Variants in PRKN observed in about 807,000 individuals in gnomAD.
PRKN encodes parkin RBR E3 ubiquitin protein ligase, also known as E3 ubiquitin-protein ligase parkin.
In PRKN, 56 loss-of-function variants were observed where a neutral mutation model predicts 59.5. That is an observed-to-expected ratio of 0.94 (90% CI 0.76 to 1.18). The LOEUF is 1.18. PRKN is among the 50% of genes most tolerant of loss of function. PRKN has a pLI of 0.00. For synonymous variants in PRKN, 250 were observed against 222.1 expected, an observed-to-expected ratio of 1.13 and a Z score of -1.12; for missense variants, 657 against 596.4, an observed-to-expected ratio of 1.10 and a Z score of -1.06.
intron 5 of PRKN, among the ~76,000 whole-genome samples, chr6:161,983,829 C>A (rs1374832922): frequency 9.0e-6 from 1 of 111,148 alleles, no homozygotes; most frequent in Non-Finnish European, 1.9e-5. Flanking sequence ...GTGGGTGCAG[C>A]GCACCAGCAC....
At chr6:162,308,085 G>A (rs977597008) in intron 2 of PRKN, among the ~76,000 whole-genome samples, 1 of 152,136 alleles carries the variant, frequency 6.6e-6, no homozygotes, top group African/African-American at 2.4e-5. Flanking sequence ...GTGGTGACAG[G>A]CACGTGGCCT....
intron 2 of PRKN, among the ~76,000 whole-genome samples, chr6:162,374,770 T>C (rs1015088652): frequency 6.6e-6 from 1 of 152,056 alleles, no homozygotes; most frequent in African/African-American, 2.4e-5. Flanking sequence ...TTTGAGAAAA[T>C]ATAGTATTTT....
At chr6:162,381,489 T>G (rs957057968) in intron 2 of PRKN, among the ~76,000 whole-genome samples, 2 of 152,188 alleles carry the variant, frequency 1.3e-5, no homozygotes, top group African/African-American at 4.8e-5. Context: ...GTGTGTAACT[T>G]AATTACATTC....
At chr6:161,802,746 A>G (rs1175721842) in intron 6 of PRKN, among the ~76,000 whole-genome samples, 1 of 152,050 alleles carries the variant, frequency 6.6e-6, no homozygotes, top group African/African-American at 2.4e-5. Flanking sequence ...CACTTCCTAT[A>G]GTAGATTTGC....
intron 2 of PRKN, among the ~76,000 whole-genome samples, chr6:162,318,519 T>C (rs186670910): frequency 6.6e-6 from 1 of 152,212 alleles, no homozygotes; most frequent in African/African-American, 2.4e-5. Context: ...TATATTTCAG[T>C]TGTGTGGAAC....
intron 1 of PRKN, among the ~76,000 whole-genome samples, chr6:162,614,171 T>C (rs1782304509): frequency 6.6e-6 from 1 of 152,118 alleles, no homozygotes; most frequent in Non-Finnish European, 1.5e-5. Context: ...AACTAACACC[T>C]CCTAAACATG....
At chr6:161,944,166 T>C (rs553397563) in intron 6 of PRKN, among the ~76,000 whole-genome samples, 9 of 149,670 alleles carry the variant, frequency 6.0e-5, no homozygotes, top group South Asian at 4.3e-4. Context: ...GCAGGGAAAA[T>C]AGAAGTCCTA....
chr6:162,510,693 G>A (rs118111908), intron 1 of PRKN, among the ~76,000 whole-genome samples: 109 of 152,196 alleles, frequency 7.2e-4, no homozygotes, highest in Middle Eastern at 3.4e-3. Flanking sequence ...GAGGCCGGGC[G>A]AGCAGATCAC....
intron 2 of PRKN, among the ~76,000 whole-genome samples, chr6:162,382,992 C>A (rs1786576786): frequency 1.3e-5 from 2 of 152,136 alleles, no homozygotes; most frequent in Admixed American, 1.3e-4. Context: ...GAGATTGCAG[C>A]AATTTGGTCA....
chr6:162,457,738 G>A (rs977703961), intron 1 of PRKN, among the ~76,000 whole-genome samples: 1 of 147,748 alleles, frequency 6.8e-6, no homozygotes, highest in African/African-American at 2.5e-5. Flanking sequence ...TATTAATAAT[G>A]ATGAAGTATT....
At chr6:162,398,158 T>C (rs1787569652) in intron 2 of PRKN, among the ~76,000 whole-genome samples, 1 of 152,114 alleles carries the variant, frequency 6.6e-6, no homozygotes, top group Non-Finnish European at 1.5e-5. Context: ...AAGCAAATAC[T>C]TTAAAATTAA....
rs1211507777 is a variant in PRKN, at chr6:161,448,999, C to CA, written c.1084-62123dup. ...TGCTCAGAATAAAGTGATAAGGGGA[C>CA]AAAAGGTGGATGGCTTACTTACAGG... On this transcript the variant is annotated intron_variant, in intron 9 of 11. Coordinates refer to ENST00000366898, the MANE Select transcript of PRKN (RefSeq NM_004562.3). This position sits in a 1 kb window ranked among gnomAD's most constrained non-coding sequence, Gnocchi z 5.1. Among the ~76,000 whole-genome samples the CA allele has an allele frequency of 6.6e-6, 1 of 152,078 alleles. No homozygotes were observed. The highest frequency in any genetic ancestry group is 6.5e-5 in the Admixed American group (1 of 15,274).
chr6:162,393,789 T>C (rs570810110), intron 2 of PRKN, among the ~76,000 whole-genome samples: 1 of 152,358 alleles, frequency 6.6e-6, no homozygotes, highest in African/African-American at 2.4e-5. Flanking sequence ...CACCGGTTTT[T>C]TCTTCTGGGA....
At chr6:161,886,824 T>C (rs1795173652) in intron 6 of PRKN, among the ~76,000 whole-genome samples, 1 of 151,738 alleles carries the variant, frequency 6.6e-6, no homozygotes, top group Non-Finnish European at 1.5e-5. Flanking sequence ...TCTTGTTTCA[T>C]TTATTTAGTT....
intron 3 of PRKN, among the ~76,000 whole-genome samples, chr6:162,254,952 C>A (rs1779584659): frequency 6.6e-6 from 1 of 151,988 alleles, no homozygotes; most frequent in Non-Finnish European, 1.5e-5. Flanking sequence ...AGAAAAACAG[C>A]CATGGGAAGT....
chr6:162,119,845 A>G (rs911961041), intron 4 of PRKN, among the ~76,000 whole-genome samples: 1 of 152,164 alleles, frequency 6.6e-6, no homozygotes, highest in South Asian at 2.1e-4. Flanking sequence ...TATCTTGCCA[A>G]TCACTCTGAC....
chr6:162,149,544 A>G (rs1782174278), intron 4 of PRKN, among the ~76,000 whole-genome samples: 1 of 152,130 alleles, frequency 6.6e-6, no homozygotes, highest in Non-Finnish European at 1.5e-5. Context: ...ATGCCCAGCC[A>G]AGACTGTACA....
At chr6:162,043,835 A>G (rs1784154767) in intron 5 of PRKN, among the ~76,000 whole-genome samples, 1 of 152,226 alleles carries the variant, frequency 6.6e-6, no homozygotes, top group African/African-American at 2.4e-5. Context: ...GCGATTATAG[A>G]TAACAGAGTT....
At chr6:162,452,047 C>A (rs1183559302) in intron 1 of PRKN, among the ~76,000 whole-genome samples, 3 of 152,068 alleles carry the variant, frequency 2.0e-5, no homozygotes, top group Non-Finnish European at 4.4e-5. Flanking sequence ...GGGTTAACTT[C>A]TGGTCAGAAA....
Sources: gnomAD v4.1 joint callset for allele counts (sites outside exome capture counted in the v4.1 genomes callset) on GRCh38, gnomAD v4.1.1 for gene constraint, Gnocchi (gnomAD v3.1) non-coding constraint, MANE v1.5 for transcripts, NCBI Gene and HGNC (gene_info 2026-07-23, HGNC 2026-07-21) for gene names.